Variants in IQCK observed in about 807,000 individuals in gnomAD.
IQCK encodes IQ domain-containing protein K.
Under a neutral mutation model 28.1 loss-of-function variants are expected in IQCK, and 29 were observed. That is an observed-to-expected ratio of 1.03 (90% CI 0.77 to 1.41). The LOEUF (loss-of-function observed/expected upper bound fraction) is 1.41, where lower values mean the gene tolerates loss of function less well. IQCK is among the 40% of genes most tolerant of loss of function. IQCK has a pLI of 0.00. For missense variants in IQCK, 359 were observed against 314.7 expected (o/e 1.14, Z -1.07); for synonymous variants, 113 against 115.1 (o/e 0.98, Z 0.12).
chr16:19,805,661 A>C (rs1031764868), intron 7 of IQCK, among the ~76,000 whole-genome samples: 2 of 152,226 alleles, frequency 1.3e-5, no homozygotes, highest in Non-Finnish European at 2.9e-5. Context: ...AGCAGCTCAC[A>C]ATATACATTT....
intron 6 of IQCK, among the ~76,000 whole-genome samples, chr16:19,771,173 C>A (rs867780190): frequency 6.6e-6 from 1 of 152,178 alleles, no homozygotes; most frequent in Non-Finnish European, 1.5e-5. Flanking sequence ...CTCACTGCAG[C>A]CTTGACTTCC....
chr16:19,746,181 G>A (rs1450193770), intron 4 of IQCK, among the ~76,000 whole-genome samples: 5 of 138,618 alleles, frequency 3.6e-5, no homozygotes, highest in African/African-American at 9.4e-5. Context: ...AAAGAGTCTA[G>A]CTTCATTTCT....
intron 4 of IQCK, among the ~76,000 whole-genome samples, chr16:19,758,256 T>C (rs1283471075): frequency 1.3e-5 from 2 of 152,238 alleles, no homozygotes; most frequent in African/African-American, 4.8e-5. Context: ...CCTCAGCAGA[T>C]AATTTTTAAA....
At chr16:19,856,739 A>G (rs962182543) in exon 10 of IQCK, 3 of 571,296 alleles carry the variant, frequency 5.3e-6, no homozygotes, top group Non-Finnish European at 9.2e-6. Flanking sequence ...AGAAAGGACC[A>G]GTCTTCACTT....
chr16:19,724,192 C>T (rs1031705652), intron 1 of IQCK, among the ~76,000 whole-genome samples: 3 of 152,176 alleles, frequency 2.0e-5, no homozygotes, highest in African/African-American at 7.2e-5. Context: ...TCATTTATCT[C>T]TCTAGACTCA....
chr16:19,729,651 T>A (rs1025321180), intron 1 of IQCK, among the ~76,000 whole-genome samples: 1 of 151,624 alleles, frequency 6.6e-6, no homozygotes, highest in African/African-American at 2.4e-5. Context: ...TTATTTATTT[T>A]TTATTTTTTT....
intron 7 of IQCK, among the ~76,000 whole-genome samples, chr16:19,811,579 T>C (rs1006079287): frequency 6.6e-6 from 1 of 152,156 alleles, no homozygotes; most frequent in African/African-American, 2.4e-5. Flanking sequence ...TATCTGGCAC[T>C]GCAAAGACGA....
chr16:19,724,015 G>C (rs185190061), intron 1 of IQCK, among the ~76,000 whole-genome samples: 6 of 151,134 alleles, frequency 4.0e-5, no homozygotes, highest in Non-Finnish European at 7.4e-5. Flanking sequence ...TGATGGGCCA[G>C]ACTCCTTGGG....
chr16:19,726,686 A>G (rs1410280789), intron 1 of IQCK, among the ~76,000 whole-genome samples: 4 of 152,254 alleles, frequency 2.6e-5, no homozygotes, highest in Admixed American at 6.5e-5. Context: ...TACAATAGAT[A>G]TAAATGAATG....
At chr16:19,777,867 G>A (rs145868703) in intron 6 of IQCK, among the ~76,000 whole-genome samples, 3 of 152,162 alleles carry the variant, frequency 2.0e-5, no homozygotes, top group African/African-American at 4.8e-5. Context: ...TCTGGCCAAC[G>A]TGGTGAAACC....
At chr16:19,758,120 C>T (rs1241199425) in intron 4 of IQCK, among the ~76,000 whole-genome samples, 1 of 152,200 alleles carries the variant, frequency 6.6e-6, no homozygotes, top group Non-Finnish European at 1.5e-5. Context: ...TATTTGCCCA[C>T]ATTACATAAA....
At position 19,838,270 on chromosome 16, in the gene IQCK, TG is replaced by T. The variant is rs537536245; in HGVS notation, c.802+11138del. ...GTTGGGGAAAGCGAGGTGGGATCAC[TG>T]GGGGAGGCAGAGAGTAAATCCGGAA... On this transcript the variant is annotated intron_variant, in intron 9 of 9. Transcript: ENST00000320394. Among the ~76,000 whole-genome samples the T allele has an allele frequency of 7.9e-4, 120 of 152,194 alleles. No homozygotes were observed. In the Middle Eastern group the frequency reaches 0.01, roughly 13 times the overall value.
intron 7 of IQCK, among the ~76,000 whole-genome samples, chr16:19,793,959 A>G (rs116522280): frequency 2.8e-3 from 18 of 6,490 alleles, no homozygotes; most frequent in African/African-American, 0.01. Context: ...TAGTCCTTTG[A>G]ACAAATGATG....
intron 7 of IQCK, among the ~76,000 whole-genome samples, chr16:19,819,168 G>A (rs1283777585): frequency 1.3e-5 from 2 of 152,086 alleles, no homozygotes; most frequent in Non-Finnish European, 2.9e-5. Context: ...GACCTATCAC[G>A]GTAGCTTTTG....
At chr16:19,744,849 C>T (rs533732114) in intron 4 of IQCK, among the ~76,000 whole-genome samples, 1 of 152,260 alleles carries the variant, frequency 6.6e-6, no homozygotes, top group South Asian at 2.1e-4. Flanking sequence ...AAAATGATTG[C>T]TTTGTACAAA....
intron 7 of IQCK, among the ~76,000 whole-genome samples, chr16:19,803,304 G>A (rs897867589): frequency 5.9e-5 from 9 of 151,988 alleles, no homozygotes; most frequent in Non-Finnish European, 7.4e-5. Flanking sequence ...CACTGCACCC[G>A]GCTAATTTTT....
chr16:19,808,367 G>A (rs769220216), intron 7 of IQCK, among the ~76,000 whole-genome samples: 1 of 152,138 alleles, frequency 6.6e-6, no homozygotes, highest in Non-Finnish European at 1.5e-5. Flanking sequence ...TGTACCCCCA[G>A]TATGTGACGA....
intron 6 of IQCK, among the ~76,000 whole-genome samples, chr16:19,781,517 A>G (rs1303077295): frequency 6.6e-6 from 1 of 152,248 alleles, no homozygotes; most frequent in Admixed American, 6.5e-5. Flanking sequence ...AATATGCTTT[A>G]GGCTACAGAG....
intron 6 of IQCK, among the ~76,000 whole-genome samples, chr16:19,783,839 T>G (rs2055526828): frequency 6.6e-6 from 1 of 152,170 alleles, no homozygotes; most frequent in Admixed American, 6.5e-5. Flanking sequence ...CTCATTTTGC[T>G]TTTTGGAGAT....
Sources: gnomAD v4.1 joint callset for allele counts (sites outside exome capture counted in the v4.1 genomes callset) on GRCh38, gnomAD v4.1.1 for gene constraint, MANE v1.5 for transcripts, NCBI Gene and HGNC (gene_info 2026-07-23, HGNC 2026-07-21) for gene names.